The following HORMAD2 variants were observed in gnomAD, a reference collection of about 807,000 sequenced individuals.
The protein encoded by HORMAD2 is HORMA domain containing 2.
A neutral mutation model predicts 38.8 loss-of-function variants in HORMAD2; 45 were observed. The observed-to-expected ratio is 1.16, with a 90% CI of 0.91 to 1.49. The LOEUF is 1.49. Ranked by LOEUF, HORMAD2 falls within the 40% of genes most tolerant of loss-of-function variation. The pLI is 0.00. For missense variants in HORMAD2, 338 were observed against 367.0 expected, an observed-to-expected ratio of 0.92 and a Z score of 0.65; for synonymous variants, 126 against 122.8, an observed-to-expected ratio of 1.03 and a Z score of -0.17.
At chr22:30,080,123 C>T (rs2068441623), upstream of HORMAD2, 1 of 152,320 alleles carries the variant, frequency 6.6e-6, no homozygotes. Context: ...CCCTCGGGTC[C>T]TAACCTCGGC....
At chr22:30,138,722 G>A in intron 10 of HORMAD2, among the ~76,000 whole-genome samples, 1 of 152,072 alleles carries the variant, frequency 6.6e-6, no homozygotes, top group East Asian at 1.9e-4. Context: ...TATGTGAATA[G>A]TATGTGAACT....
At chr22:30,200,770 G>A in the HORMAD2 span, among the ~76,000 whole-genome samples, 85 of 101,326 alleles carry the variant, frequency 8.4e-4, no homozygotes, top group African/African-American at 3.0e-3. Flanking sequence ...ATTATTTTGA[G>A]ACGGAGTCTG....
chr22:30,147,963 T>C (rs1326618203), intron 10 of HORMAD2, among the ~76,000 whole-genome samples: 1 of 152,158 alleles, frequency 6.6e-6, no homozygotes, highest in East Asian at 1.9e-4. Context: ...ATACTTACTA[T>C]ATGATGCAGA....
intron 5 of HORMAD2, among the ~76,000 whole-genome samples, chr22:30,107,342 A>C (rs576736900): frequency 6.6e-6 from 1 of 152,334 alleles, no homozygotes; most frequent in African/African-American, 2.4e-5. Context: ...CAAAAGACAA[A>C]ATTTTAGATA....
intron 10 of HORMAD2, among the ~76,000 whole-genome samples, chr22:30,122,916 G>A (rs1241002512): frequency 6.6e-6 from 1 of 152,272 alleles, no homozygotes; most frequent in South Asian, 2.1e-4. Context: ...AAAGGGTTCT[G>A]AGTTAGACAA....
downstream of HORMAD2, among the ~76,000 whole-genome samples, chr22:30,177,957 G>A (rs138389355): frequency 0.018 from 2,772 of 151,962 alleles, 81 homozygotes; most frequent in African/African-American, 0.063. Context: ...TAGGATTACA[G>A]GCATGAGCCA....
chr22:30,093,820 T>C, intron 1 of HORMAD2, 96 bp from the exon 2 acceptor site: 1 of 575,418 alleles, frequency 1.7e-6, no homozygotes, highest in Non-Finnish European at 3.0e-6. Context: ...AATTTTTTGT[T>C]TGCTTTTAGA....
Position 30,122,016 on chromosome 22 carries a change from C to T in HORMAD2, c.621C>T (p.His207=). 6.2e-7 allele frequency: 1 copy of T among 1,613,010 alleles called. No individual in the cohort carries two copies. Among genetic ancestry groups the T allele is most frequent in the Non-Finnish European group, 8.5e-7 (1 of 1,179,456 alleles). Residue 207 remains histidine, a synonymous_variant, in exon 10 of 11, where the codon CAC becomes CAT. Coordinates refer to ENST00000336726, the MANE Select transcript of HORMAD2 (RefSeq NM_152510.4). ...PLGFKEGVNS[H]FLLFDKEPIN... ...GTTTTAAAGAAGGGGTAAATTCACA[C>T]TTCCTGCTGTTTGACAAGGAGCCTA...
intron 1 of HORMAD2, among the ~76,000 whole-genome samples, chr22:30,089,865 C>A (rs766739328): frequency 6.6e-6 from 1 of 152,130 alleles, no homozygotes; most frequent in African/African-American, 2.4e-5. Context: ...AACTCTATAC[C>A]TATTAAACTC....
intron 5 of HORMAD2, among the ~76,000 whole-genome samples, chr22:30,111,106 A>G (rs1474925688): frequency 6.7e-6 from 1 of 149,524 alleles, no homozygotes; most frequent in Non-Finnish European, 1.5e-5. Flanking sequence ...CAGTGAGCCA[A>G]GATCACGCTA....
downstream of HORMAD2, among the ~76,000 whole-genome samples, chr22:30,180,537 A>T (rs1046028068): frequency 6.6e-6 from 1 of 151,856 alleles, no homozygotes; most frequent in Non-Finnish European, 1.5e-5. Flanking sequence ...TAGATTCAAA[A>T]CCTCTCATTT....
chr22:30,086,080 C>T (rs1271743774), intron 1 of HORMAD2, among the ~76,000 whole-genome samples: 4 of 152,120 alleles, frequency 2.6e-5, no homozygotes, highest in Non-Finnish European at 4.4e-5. Context: ...GTAGATTTCC[C>T]ACTTGCTGTT....
chr22:30,112,397 T>A, intron 6 of HORMAD2, 99 bp from the exon 7 acceptor site: 1 of 652,282 alleles, frequency 1.5e-6, no homozygotes, highest in Non-Finnish European at 2.7e-6. Context: ...TGTACTCAAC[T>A]AATAGAACAC....
At chr22:30,094,277 G>T (rs1187097240) in intron 2 of HORMAD2, among the ~76,000 whole-genome samples, 1 of 152,162 alleles carries the variant, frequency 6.6e-6, no homozygotes, top group African/African-American at 2.4e-5. Flanking sequence ...GAAACAAAAA[G>T]ATGTTTAAAG....
chr22:30,082,715 G>T (rs1006075000), intron 1 of HORMAD2, among the ~76,000 whole-genome samples: 2 of 151,248 alleles, frequency 1.3e-5, no homozygotes, highest in African/African-American at 4.9e-5. Context: ...GATCACTTGA[G>T]CCCAGAAGTT....
chr22:30,124,256 AACACACACACACACAC>A (rs10616156), intron 10 of HORMAD2, among the ~76,000 whole-genome samples: 1 of 146,478 alleles, frequency 6.8e-6, no homozygotes, highest in Non-Finnish European at 1.5e-5. Context: ...GAATACATGG[AACACACACACACACAC>A]ACACACACAC....
At chr22:30,122,799 C>T (rs1162549539) in intron 10 of HORMAD2, among the ~76,000 whole-genome samples, 1 of 152,124 alleles carries the variant, frequency 6.6e-6, no homozygotes, top group African/African-American at 2.4e-5. Flanking sequence ...CCAATAGAGA[C>T]TTGGAGTTAG....
intron 1 of HORMAD2, among the ~76,000 whole-genome samples, chr22:30,088,609 A>T (rs2068627685): frequency 6.6e-6 from 1 of 151,498 alleles, no homozygotes; most frequent in Non-Finnish European, 1.5e-5. Flanking sequence ...AAAACTATTT[A>T]GTTTTATTAA....
chr22:30,180,304 G>C (rs559071553), downstream of HORMAD2, among the ~76,000 whole-genome samples: 1 of 152,228 alleles, frequency 6.6e-6, no homozygotes, highest in East Asian at 1.9e-4. Context: ...ACATCTATGG[G>C]GCACTAGTGG....
Sources: gnomAD v4.1 joint callset for allele counts (sites outside exome capture counted in the v4.1 genomes callset) on GRCh38, gnomAD v4.1.1 for gene constraint, MANE v1.5 for transcripts, NCBI Gene and HGNC (gene_info 2026-07-23, HGNC 2026-07-21) for gene names.